The following GPATCH2 variants were observed in gnomAD, a reference collection of about 807,000 sequenced individuals.
The protein encoded by GPATCH2 is G patch domain-containing protein 2.
GPATCH2 carries 51 observed loss-of-function variants against 58.0 expected under a neutral mutation model. That is an observed-to-expected ratio of 0.88 (90% CI 0.70 to 1.11). The LOEUF (loss-of-function observed/expected upper bound fraction) is 1.11, where lower values mean the gene tolerates loss of function less well. Among genes scored for constraint, GPATCH2 ranks in the 50% most tolerant of loss-of-function variants. The probability of loss-of-function intolerance (pLI) is 0.00; values close to 1 mark genes in which losing one functional copy is unlikely to be tolerated. For synonymous variants in GPATCH2, 222 were observed against 218.5 expected, an observed-to-expected ratio of 1.02 and a Z score of -0.14; for missense variants, 625 against 652.2, an observed-to-expected ratio of 0.96 and a Z score of 0.45.
In GPATCH2 at chr1:217,428,285, C is replaced by T. The variant is rs1658400349; in HGVS notation, c.*2860G>A. 1 of 152,176 alleles carries T rather than the reference C, an allele frequency of 6.6e-6. No homozygotes were observed. Among genetic ancestry groups the T allele is most frequent in the South Asian group, 2.1e-4 (1 of 4,830 alleles). The allele number at this position is 152,176 out of a possible 1,614,324, so 9.4% of individuals were successfully genotyped here. On this transcript the variant is annotated 3_prime_UTR_variant, in exon 10 of 10. Coordinates refer to ENST00000366935, the MANE Select transcript of GPATCH2 (RefSeq NM_018040.5). ...TTAATTTGCTATAAGGCTACAGATA[C>T]TGTAGAAGAGTGGCTTCACAAAACA...
At chr1:217,545,927 T>A (rs908237108) in intron 5 of GPATCH2, among the ~76,000 whole-genome samples, 1 of 152,200 alleles carries the variant, frequency 6.6e-6, no homozygotes. Context: ...ATTTCAATAA[T>A]TTTCTCTGGG....
intron 8 of GPATCH2, among the ~76,000 whole-genome samples, chr1:217,454,270 T>C (rs1281526104): frequency 6.6e-6 from 1 of 152,172 alleles, no homozygotes; most frequent in Non-Finnish European, 1.5e-5. Context: ...AAATGTTTTA[T>C]AACGACTAGA....
At chr1:217,434,598 G>A (rs1456600850) in intron 9 of GPATCH2, among the ~76,000 whole-genome samples, 1 of 152,070 alleles carries the variant, frequency 6.6e-6, no homozygotes, top group Non-Finnish European at 1.5e-5. Flanking sequence ...CTATACATCT[G>A]TTTACTCACA....
At chr1:217,623,747 C>T (rs1344093935) in intron 1 of GPATCH2, among the ~76,000 whole-genome samples, 1 of 151,776 alleles carries the variant, frequency 6.6e-6, no homozygotes, top group African/African-American at 2.4e-5. Context: ...ACTAAGAATA[C>T]AAAAATTAGG....
intron 5 of GPATCH2, among the ~76,000 whole-genome samples, chr1:217,538,744 G>A (rs1057399509): frequency 6.6e-6 from 1 of 152,146 alleles, no homozygotes; most frequent in Non-Finnish European, 1.5e-5. Flanking sequence ...CACAATGTAC[G>A]CTTTTTTAAA....
chr1:217,562,570 G>A (rs1027571714), intron 5 of GPATCH2, among the ~76,000 whole-genome samples: 43 of 152,184 alleles, frequency 2.8e-4, no homozygotes, highest in African/African-American at 9.4e-4. Flanking sequence ...TGAACCTAGA[G>A]TGAAAAGATC....
intron 5 of GPATCH2, among the ~76,000 whole-genome samples, chr1:217,541,626 T>TA (rs946880851): frequency 2.6e-5 from 4 of 152,142 alleles, no homozygotes; most frequent in African/African-American, 7.2e-5. Flanking sequence ...AACAAAAGAA[T>TA]AAAAATCATA....
In GPATCH2 at chr1:217,598,255, G is replaced by A. The variant is rs182600919; in HGVS notation, c.1098+12066C>T. On this transcript the variant is annotated intron_variant, in intron 5 of 9. Coordinates refer to ENST00000366935, the MANE Select transcript of GPATCH2 (RefSeq NM_018040.5). The stretch of plus-strand genomic sequence containing the variant: ...ACAAAAAAATTAGCTAAGTGTGGTG[G>A]TGCATGCCTGTAATCCCAGCTACTT... Among the ~76,000 whole-genome samples the A allele has an allele frequency of 2.6e-3, 398 of 152,032 alleles. 2 individuals carry two copies. The highest frequency in any genetic ancestry group is 0.017 in the Middle Eastern group (5 of 292).
chr1:217,586,900 C>A (rs1170461279), intron 5 of GPATCH2, among the ~76,000 whole-genome samples: 1 of 152,084 alleles, frequency 6.6e-6, no homozygotes, highest in East Asian at 1.9e-4. Context: ...CAGCACATGG[C>A]CGCATACACT....
chr1:217,521,470 A>G (rs1663455109), intron 5 of GPATCH2, among the ~76,000 whole-genome samples: 1 of 152,182 alleles, frequency 6.6e-6, no homozygotes, highest in Non-Finnish European at 1.5e-5. Context: ...ATCTTCAGCC[A>G]AGGATACTCT....
intron 5 of GPATCH2, among the ~76,000 whole-genome samples, chr1:217,536,400 CT>C (rs1202209139): frequency 6.6e-6 from 1 of 152,160 alleles, no homozygotes; most frequent in Admixed American, 6.5e-5. Flanking sequence ...TTTATCAAGA[CT>C]TTTGTGCCAG....
At chr1:217,518,538 C>G (rs747877106) in intron 5 of GPATCH2, among the ~76,000 whole-genome samples, 25 of 152,176 alleles carry the variant, frequency 1.6e-4, no homozygotes, top group Non-Finnish European at 2.9e-5. Flanking sequence ...CAATGCATGC[C>G]ATACTATTCT....
At chr1:217,529,088 C>A (rs552866552) in intron 5 of GPATCH2, among the ~76,000 whole-genome samples, 1 of 152,176 alleles carries the variant, frequency 6.6e-6, no homozygotes, top group South Asian at 2.1e-4. Flanking sequence ...TATAATTACC[C>A]CCAGGACACA....
rs143233328 is a variant in GPATCH2, at chr1:217,531,523, C to T, written c.1099-16634G>A. On this transcript the variant is annotated intron_variant, in intron 5 of 9. Transcript: ENST00000366935. ...CTGCATAATTAAAACCATTCTAATA[C>T]CTATCTCATGAAATAGTACACAAAA... Among the ~76,000 whole-genome samples the T allele has an allele frequency of 2.4e-3, 365 of 152,228 alleles. 2 individuals carry two copies. Among genetic ancestry groups the T allele is most frequent in the African/African-American group, 7.6e-3 (317 of 41,536 alleles).
intron 2 of GPATCH2, among the ~76,000 whole-genome samples, chr1:217,619,224 C>T (rs1367453745): frequency 6.7e-6 from 1 of 149,762 alleles, no homozygotes; most frequent in Non-Finnish European, 1.5e-5. Context: ...GATTTACTAC[C>T]ACAGGACCAT....
At chr1:217,451,350 T>C (rs1281103638) in intron 8 of GPATCH2, among the ~76,000 whole-genome samples, 1 of 152,190 alleles carries the variant, frequency 6.6e-6, no homozygotes, top group Non-Finnish European at 1.5e-5. Flanking sequence ...CCGAAAGCAA[T>C]GGGAAATACT....
intron 6 of GPATCH2, among the ~76,000 whole-genome samples, chr1:217,506,538 C>T (rs536318223): frequency 3.3e-5 from 5 of 152,256 alleles, no homozygotes; most frequent in African/African-American, 9.6e-5. Context: ...AAGGAGGATG[C>T]CTTTTGGCCT....
rs200490521 is a variant in GPATCH2 at position 217,628,680 on chromosome 1, G to GT, written c.56+2235dup. Among the ~76,000 whole-genome samples, 347 of 108,838 alleles carry GT rather than the reference G, an allele frequency of 3.2e-3. 1 individual carries two copies. The highest frequency in any genetic ancestry group is 0.011 in the African/African-American group (337 of 29,766). 71.4% of individuals were successfully genotyped at this position (108,838 alleles called of 152,430 possible). On this transcript the variant is annotated intron_variant, in intron 1 of 9. Coordinates refer to ENST00000366935, the MANE Select transcript of GPATCH2 (RefSeq NM_018040.5). ...TTTTTAAGCAAAGCCACATAATAAA[G>GT]TTAAAAAAAAAAAAAAAAGAATACC...
In GPATCH2 at chr1:217,523,747, C is replaced by A. The variant is rs202005140; in HGVS notation, c.1099-8858G>T. Reference sequence around the variant, plus strand: ...GGGGCTCCTCACTTCCCAGTAGGGGCGGCCGGGCAGAGGCGCCCCTCACCT... The same window carrying A: ...GGGGCTCCTCACTTCCCAGTAGGGGAGGCCGGGCAGAGGCGCCCCTCACCT... On this transcript the variant is annotated intron_variant, in intron 5 of 9. Coordinates refer to ENST00000366935, the MANE Select transcript of GPATCH2 (RefSeq NM_018040.5). 5.0e-3 allele frequency among the ~76,000 whole-genome samples: 729 copies of A among 146,510 alleles called. 13 individuals carry two copies. Among genetic ancestry groups the A allele is most frequent in the African/African-American group, 0.017 (679 of 39,408 alleles).
Sources: allele counts gnomAD v4.1 joint callset (sites outside exome capture counted in the v4.1 genomes callset), GRCh38; gene constraint gnomAD v4.1.1; transcripts MANE v1.5; gene names NCBI Gene and HGNC (gene_info 2026-07-23, HGNC 2026-07-21).